The following DPF3 variants were observed in gnomAD, a reference collection of about 807,000 sequenced individuals.
DPF3 encodes double PHD fingers 3.
DPF3 carries 18 observed loss-of-function variants against 56.8 expected under a neutral mutation model. That is an observed-to-expected ratio of 0.32 (90% CI 0.22 to 0.47). The LOEUF (loss-of-function observed/expected upper bound fraction) is 0.47. Ranked by LOEUF, DPF3 falls within the 20% of genes least tolerant of loss-of-function variation. DPF3 has a pLI of 1.00. For missense variants in DPF3, 403 were observed against 488.8 expected, an observed-to-expected ratio of 0.82 and a Z score of 1.65; for synonymous variants, 188 against 180.2, an observed-to-expected ratio of 1.04 and a Z score of -0.35.
chr14:72,699,209 A>T (rs1244140289), intron 6 of DPF3, among the ~76,000 whole-genome samples: 1 of 152,088 alleles, frequency 6.6e-6, no homozygotes, highest in Non-Finnish European at 1.5e-5. Flanking sequence ...AAAAAGAGAA[A>T]CTGATTTTTT....
rs1883729593 is a variant in DPF3, at chr14:72,611,592, C to T, written c.*7705G>A. ...GGTCATTTTCTGCCTCTGATCAGGC[C>T]CTGCCAGTTGCACCTCCCTGCCTTC... On this transcript the variant is annotated 3_prime_UTR_variant, in exon 11 of 11. Transcript: ENST00000556509. 6.6e-6 allele frequency among the ~76,000 whole-genome samples: 1 copy of T among 152,122 alleles called. No homozygotes were observed. Among genetic ancestry groups the T allele is most frequent in the Non-Finnish European group, 1.5e-5 (1 of 68,032 alleles).
intron 8 of DPF3, among the ~76,000 whole-genome samples, chr14:72,656,250 G>A (rs555534277): frequency 6.6e-6 from 1 of 152,304 alleles, no homozygotes. Flanking sequence ...TTCAAACACA[G>A]TGGTGTCAAA....
intron 1 of DPF3, among the ~76,000 whole-genome samples, chr14:72,893,682 C>A (rs1886868151): frequency 6.6e-6 from 1 of 151,920 alleles, no homozygotes; most frequent in Admixed American, 6.6e-5. Context: ...GCCCAGCAGC[C>A]CCCGAAGCCG....
intron 1 of DPF3, among the ~76,000 whole-genome samples, chr14:72,774,983 A>C (rs1253294985): frequency 6.6e-6 from 1 of 152,232 alleles, no homozygotes; most frequent in East Asian, 1.9e-4. Context: ...TTTCACAGGC[A>C]GCTTGGCCCA....
chr14:72,683,358 G>T (rs1019827265), intron 7 of DPF3, among the ~76,000 whole-genome samples: 7 of 151,204 alleles, frequency 4.6e-5, no homozygotes, highest in Admixed American at 4.6e-4. Flanking sequence ...AAATTCCAGG[G>T]CCTGAATTGC....
rs79219520 is a variant in DPF3 at position 72,795,251 on chromosome 14, G to A, written c.33-23358C>T. Among the ~76,000 whole-genome samples the A allele has an allele frequency of 4.7e-3, 629 of 133,192 alleles. 8 individuals are homozygous for A. Among genetic ancestry groups the A allele is most frequent in the African/African-American group, 0.017 (606 of 35,512 alleles). 87.4% of individuals were successfully genotyped at this position (133,192 alleles called of 152,430 possible). A position where few individuals can be genotyped will look rare whatever the true frequency, so the allele number is the denominator to read the frequency against. ...AAACGCAGTTATGTCCTAAGCCCAG[G>A]AATATTGAAGCTGTCCTCTTTTTGA... is the stretch of plus-strand genomic sequence containing the variant. On this transcript the variant is annotated intron_variant, in intron 1 of 10. Transcript: ENST00000556509.
intron 6 of DPF3, among the ~76,000 whole-genome samples, chr14:72,701,114 G>A (rs544014769): frequency 9.2e-4 from 140 of 152,330 alleles, no homozygotes; most frequent in Non-Finnish European, 1.6e-3. Context: ...CCCCAGGAGC[G>A]CTGAAGCAGC....
In DPF3 at chr14:72,846,178, T is replaced by G. The variant is rs983575150; in HGVS notation, c.32+47879A>C. ...CAGGCCGGAATACAATGGCATGATCTCAGCTCACTGCAACCTCTACCTCCT... is the reference window on the plus strand; with the variant it reads ...CAGGCCGGAATACAATGGCATGATCGCAGCTCACTGCAACCTCTACCTCCT... On this transcript the variant is annotated intron_variant, in intron 1 of 10. Transcript: ENST00000556509. 2.0e-5 allele frequency among the ~76,000 whole-genome samples: 3 copies of G among 151,720 alleles called. No homozygotes were observed. The East Asian group carries it at 5.8e-4, about 29-fold the overall frequency.
intron 1 of DPF3, among the ~76,000 whole-genome samples, chr14:72,864,627 C>T (rs758232669): frequency 4.6e-5 from 7 of 152,248 alleles, no homozygotes; most frequent in Non-Finnish European, 1.5e-5. Flanking sequence ...CTCTCTACCC[C>T]GGCCCTGTGC....
At chr14:72,742,418 G>A (rs1418857192) in intron 3 of DPF3, 1 of 152,306 alleles carries the variant, frequency 6.6e-6, no homozygotes, top group East Asian at 1.9e-4. Flanking sequence ...CCGGGAGAAG[G>A]TCGCGTTGTC....
At position 72,723,712 on chromosome 14, in the gene DPF3, T is replaced by A. The variant is rs767404010; in HGVS notation, c.446A>T (p.Asp149Val). 6.3e-7 allele frequency: 1 copy of A among 1,577,938 alleles called. No individual in the cohort carries two copies. The change falls in exon 5 of 11, where the codon GAT (aspartate) becomes GTT (valine). Residue 149 changes from aspartate (D) to valine (V), a missense_variant. Coordinates refer to ENST00000556509, the MANE Select transcript of DPF3 (RefSeq NM_001280542.3). ...TTCATTCCCTTCTTCTACATTTTCATCATTTTCCAAAACCCTCTGAAATGA... is the reference window on the plus strand; with the variant it reads ...TTCATTCCCTTCTTCTACATTTTCAACATTTTCCAAAACCCTCTGAAATGA... ...IQEIQRVLENDENVEEGNEEE... is the reference protein window; with the variant it reads ...IQEIQRVLENVENVEEGNEEE...
intron 1 of DPF3, among the ~76,000 whole-genome samples, chr14:72,796,926 G>A (rs11621358): frequency 0.14 from 21,987 of 152,132 alleles, 1,716 homozygotes; most frequent in Middle Eastern, 0.32. Flanking sequence ...GGGGTAAGGC[G>A]AGGCATGAGG....
chr14:72,796,700 C>T (rs117871073), intron 1 of DPF3, among the ~76,000 whole-genome samples: 113 of 152,214 alleles, frequency 7.4e-4, no homozygotes, highest in Non-Finnish European at 1.1e-3. Context: ...GTTTATTATT[C>T]CTATTTTCCT....
chr14:72,662,460 A>C (rs1273299066), intron 8 of DPF3: 1 of 983,480 alleles, frequency 1.0e-6, no homozygotes, highest in Non-Finnish European at 1.2e-6. Flanking sequence ...TAAAATAGTT[A>C]ACTCTTTTTT....
At chr14:72,738,653 T>C (rs1275725814) in intron 3 of DPF3, among the ~76,000 whole-genome samples, 2 of 152,070 alleles carry the variant, frequency 1.3e-5, no homozygotes, top group African/African-American at 2.4e-5. Flanking sequence ...GAGAGGCTGG[T>C]CAGATGGTAC....
chr14:72,834,909 C>T lies in DPF3; in HGVS notation c.32+59148G>A, dbSNP rs561764342. On this transcript the variant is annotated intron_variant, in intron 1 of 10. Coordinates refer to ENST00000556509, the MANE Select transcript of DPF3 (RefSeq NM_001280542.3). ...TGAAACATGCAACAACATGGCTGAACGCTGAAAACATTATGCTGAGTGACA... is the reference window on the plus strand; with the variant it reads ...TGAAACATGCAACAACATGGCTGAATGCTGAAAACATTATGCTGAGTGACA... Among the ~76,000 whole-genome samples, 12 of 152,228 alleles carry T rather than the reference C, an allele frequency of 7.9e-5. No individual in the cohort carries two copies. The South Asian group carries it at 1.2e-3, about 16-fold the overall frequency.
At chr14:72,827,047 A>G (rs1300252005) in intron 1 of DPF3, among the ~76,000 whole-genome samples, 1 of 151,656 alleles carries the variant, frequency 6.6e-6, no homozygotes, top group African/African-American at 2.4e-5. Context: ...CATCTCAAAA[A>G]AAAAAAAAAA....
chr14:72,794,848 G>A (rs1263447718), intron 1 of DPF3, among the ~76,000 whole-genome samples: 1 of 152,144 alleles, frequency 6.6e-6, no homozygotes, highest in South Asian at 2.1e-4. Flanking sequence ...GAAGCTCTAA[G>A]GGAGCAGTTT....
At chr14:72,839,551 G>T (rs995718847) in intron 1 of DPF3, among the ~76,000 whole-genome samples, 12 of 152,162 alleles carry the variant, frequency 7.9e-5, no homozygotes, top group African/African-American at 2.9e-4. Flanking sequence ...TGACGCAGGG[G>T]CCAGATAGAT....
Sources: allele counts gnomAD v4.1 joint callset (sites outside exome capture counted in the v4.1 genomes callset), GRCh38; gene constraint gnomAD v4.1.1; transcripts MANE v1.5; gene names NCBI Gene and HGNC (gene_info 2026-07-23, HGNC 2026-07-21).